The following AP3B2 variants were observed in gnomAD, a reference collection of about 807,000 sequenced individuals.
AP3B2 encodes the protein adaptor related protein complex 3 subunit beta 2, also known as AP-3 complex subunit beta-2.
In AP3B2, 50 loss-of-function variants were observed where a neutral mutation model predicts 126.9. That is an observed-to-expected ratio of 0.39 (90% CI 0.31 to 0.50). AP3B2 has a LOEUF of 0.50. Among genes scored for constraint, AP3B2 ranks in the 20% least tolerant of loss-of-function variants. The pLI is 0.79. For synonymous variants in AP3B2, 541 were observed against 565.0 expected, an observed-to-expected ratio of 0.96 and a Z score of 0.60; for missense variants, 1,177 against 1,426.4, an observed-to-expected ratio of 0.83 and a Z score of 2.82.
chr15:82,685,469 T>C (rs77576730), intron 4 of AP3B2: 3 of 152,178 alleles, frequency 2.0e-5, no homozygotes, highest in Admixed American at 6.5e-5. Flanking sequence ...CAAGACAAGA[T>C]CCTCACAATT....
chr15:82,680,114 C>G lies in AP3B2; in HGVS notation c.1110+61G>C. The G allele has an allele frequency of 6.2e-7, 1 of 1,604,774 alleles. No homozygotes were observed. The highest frequency in any genetic ancestry group is 8.5e-7 in the Non-Finnish European group (1 of 1,175,398). On this transcript the variant is annotated intron_variant, in intron 9 of 26. Transcript: ENST00000535359. This position sits in a 1 kb window ranked among gnomAD's most constrained non-coding sequence, Gnocchi z 6.1. ...GGCCCCGGTCCCAGCCCCGACAACG[C>G]CTCCAGTGCCCGCAGAAGCGGCCCT...
chr15:82,700,016 C>T (rs2048693959), intron 1 of AP3B2: 1 of 397,472 alleles, frequency 2.5e-6, no homozygotes, highest in Non-Finnish European at 4.4e-6. Context: ...TGCTCAGAGA[C>T]AAGGCCTCTA....
chr15:82,706,683 G>A (rs2048800621), intron 1 of AP3B2, among the ~76,000 whole-genome samples: 1 of 152,156 alleles, frequency 6.6e-6, no homozygotes, highest in Admixed American at 6.5e-5. Flanking sequence ...ATGGTTCTCA[G>A]ACCAAGGAAA....
At position 82,663,325 on chromosome 15, in the gene AP3B2, C is replaced by A. The variant is rs2303988; in HGVS notation, c.2498-92G>T. 2,171 of 1,110,004 alleles carry A rather than the reference C, an allele frequency of 2.0e-3. 62 individuals carry two copies. In the East Asian group the frequency reaches 0.051, roughly 26 times the overall value. 68.8% of individuals were successfully genotyped at this position (1,110,004 alleles called of 1,614,324 possible). ...GGATCAAGGAGCACGCATTTCAGCA[C>A]CATGGACAGCGGGGCACATGGCTGC... is the stretch of plus-strand genomic sequence containing the variant. On this transcript the variant is annotated intron_variant, in intron 21 of 26. Transcript: ENST00000535359.
In AP3B2 at chr15:82,680,510, G is replaced by A. The variant is rs1269017546; in HGVS notation, c.1017C>T (p.Val339=). 2 of 1,531,586 alleles carry A rather than the reference G, an allele frequency of 1.3e-6. No individual in the cohort carries two copies. The highest frequency in any genetic ancestry group is 2.0e-5 in the Admixed American group (1 of 50,758). 94.9% of individuals were successfully genotyped at this position (1,531,586 alleles called of 1,614,324 possible). ...GCAGGCGCACCAGCGCCTTGGCGATGACGCCCACTTCCGCCTTGGGCGCCA... is the reference window on the plus strand; with the variant it reads ...GCAGGCGCACCAGCGCCTTGGCGATAACGCCCACTTCCGCCTTGGGCGCCA... ...FHLAPKAEVG[V]IAKALVRLLR... Residue 339 remains valine (V), a synonymous_variant, in exon 8 of 27, where the codon GTC becomes GTT. Transcript: ENST00000535359. The surrounding 1 kb of genome is among the most constrained non-coding windows in gnomAD (Gnocchi z 6.1).
chr15:82,671,261 G>A (rs546766096), intron 14 of AP3B2, among the ~76,000 whole-genome samples: 23 of 152,076 alleles, frequency 1.5e-4, no homozygotes, highest in South Asian at 4.2e-4. Context: ...CTCCAGCCTG[G>A]GTGACAGAGC....
chr15:82,675,814 C>T lies in AP3B2; in HGVS notation c.1665+647G>A, dbSNP rs72753912. Among the ~76,000 whole-genome samples the T allele has an allele frequency of 7.4e-3, 1,129 of 152,242 alleles. 12 individuals carry two copies. The highest frequency in any genetic ancestry group is 8.4e-3 in the Non-Finnish European group (569 of 68,014). ...TAACTGAGTGGGAGAGTGTGGAAAT[C>T]GTCATGGTGTTTGATGTCCCTGACA... On this transcript the variant is annotated intron_variant, in intron 14 of 26. Transcript: ENST00000535359.
At chr15:82,684,607 T>TG (rs2048396178) in intron 4 of AP3B2, among the ~76,000 whole-genome samples, 1 of 152,218 alleles carries the variant, frequency 6.6e-6, no homozygotes, top group African/African-American at 2.4e-5. Flanking sequence ...CTCAAACTTC[T>TG]GGGTTCAAGT....
chr15:82,669,537 C>T (rs1167692871), intron 14 of AP3B2, among the ~76,000 whole-genome samples: 5 of 151,316 alleles, frequency 3.3e-5, no homozygotes, highest in African/African-American at 1.2e-4. Flanking sequence ...ACTAAAAATA[C>T]AAAAATTAGC....
chr15:82,664,302 T>A lies in AP3B2; in HGVS notation c.2261+65A>T. On this transcript the variant is annotated intron_variant, in intron 19 of 26. Coordinates refer to ENST00000535359, the MANE Select transcript of AP3B2 (RefSeq NM_001278512.2). This position sits in a 1 kb window ranked among gnomAD's most constrained non-coding sequence, Gnocchi z 4.5. ...TCTTAGGAGACTGGCTAAAGCTCAA[T>A]GCTAGCCCTCTTTCCAGGAAAGCCC... 1.2e-6 allele frequency: 2 copies of A among 1,609,624 alleles called. No individual in the cohort carries two copies. The highest frequency in any genetic ancestry group is 4.5e-5 in the East Asian group (2 of 44,856).
chr15:82,665,067 A>C lies in AP3B2; in HGVS notation c.2029-124T>G. The C allele has an allele frequency of 9.7e-7, 1 of 1,028,684 alleles. No individual in the cohort carries two copies. Among genetic ancestry groups the C allele is most frequent in the Non-Finnish European group, 1.5e-6 (1 of 688,892 alleles). 63.7% of individuals were successfully genotyped at this position (1,028,684 alleles called of 1,614,324 possible). A position where few individuals can be genotyped will look rare whatever the true frequency, so the allele number is the denominator to read the frequency against. ...CTACCTGGTCTGTCCCACAAAGGGA[A>C]TAACAGAGGAGGAAGAAAGGGGCAC... On this transcript the variant is annotated intron_variant, in intron 17 of 26. Transcript: ENST00000535359. The surrounding 1 kb of genome is among the most constrained non-coding windows in gnomAD (Gnocchi z 4.4).
At chr15:82,662,145 C>A in intron 24 of AP3B2, 23 bp downstream of exon 24, 1 of 1,577,216 alleles carries the variant, frequency 6.3e-7, no homozygotes, top group Non-Finnish European at 8.6e-7. Flanking sequence ...TCCTCTCACC[C>A]CCACCTCGAG....
In AP3B2 at chr15:82,682,759, G is replaced by A. The variant is rs78412972; in HGVS notation, c.361-1179C>T. Among the ~76,000 whole-genome samples, 1,483 of 151,770 alleles carry A rather than the reference G, an allele frequency of 9.8e-3. 12 individuals are homozygous for A. The highest frequency in any genetic ancestry group is 0.014 in the Non-Finnish European group (960 of 67,934). On this transcript the variant is annotated intron_variant, in intron 4 of 26. Coordinates refer to ENST00000535359, the MANE Select transcript of AP3B2 (RefSeq NM_001278512.2). ...AAAGTTATGTTTACAATATACTGTA[G>A]TCTACTAAGCATGCAATAGCATTAT...
intron 2 of AP3B2, 24 bp downstream of exon 2, chr15:82,689,354 G>A: frequency 6.2e-7 from 1 of 1,613,462 alleles, no homozygotes; most frequent in Non-Finnish European, 8.5e-7. Flanking sequence ...CGCCCGGAGG[G>A]AGGCCTCCTC....
intron 14 of AP3B2, among the ~76,000 whole-genome samples, chr15:82,672,809 C>T (rs2048179303): frequency 6.6e-6 from 1 of 152,210 alleles, no homozygotes; most frequent in South Asian, 2.1e-4. Flanking sequence ...GAGACTTTCT[C>T]CCTTGTGGCT....
chr15:82,705,616 C>T (rs1478959361), intron 1 of AP3B2, among the ~76,000 whole-genome samples: 3 of 152,178 alleles, frequency 2.0e-5, no homozygotes, highest in South Asian at 2.1e-4. Flanking sequence ...GCTGTACTGC[C>T]GCAAGGCTTC....
At chr15:82,703,954 A>G (rs1454120820) in intron 1 of AP3B2, among the ~76,000 whole-genome samples, 3 of 151,936 alleles carry the variant, frequency 2.0e-5, no homozygotes, top group Admixed American at 6.6e-5. Flanking sequence ...CCTCCACCCT[A>G]TAATCCTTCT....
chr15:82,663,114 C>A lies in AP3B2; in HGVS notation c.2604+13G>T. On this transcript the variant is annotated intron_variant, in intron 22 of 26. Coordinates refer to ENST00000535359, the MANE Select transcript of AP3B2 (RefSeq NM_001278512.2). ...CCCTGCCCCAGCCCGGTCCCCTCCTCCATCCCACTCACCGACGGTACCAGG... is the reference window on the plus strand; with the variant it reads ...CCCTGCCCCAGCCCGGTCCCCTCCTACATCCCACTCACCGACGGTACCAGG... 1 of 1,600,762 alleles carries A rather than the reference C, an allele frequency of 6.2e-7. No homozygotes were observed. Among genetic ancestry groups the A allele is most frequent in the South Asian group, 1.1e-5 (1 of 88,928 alleles).
chr15:82,668,130 T>C (rs2048090041), intron 14 of AP3B2, among the ~76,000 whole-genome samples: 1 of 152,226 alleles, frequency 6.6e-6, no homozygotes, highest in South Asian at 2.1e-4. Context: ...CCTCAGATGC[T>C]GACCCAGAGT....
Sources: gnomAD v4.1 joint callset for allele counts (sites outside exome capture counted in the v4.1 genomes callset) on GRCh38, gnomAD v4.1.1 for gene constraint, Gnocchi (gnomAD v3.1) non-coding constraint, MANE v1.5 for transcripts, NCBI Gene and HGNC (gene_info 2026-07-23, HGNC 2026-07-21) for gene names.